EML5: variants seen among roughly 807,000 people sequenced by gnomAD.
The protein encoded by EML5 is echinoderm microtubule-associated protein-like 5.
A neutral mutation model predicts 250.0 loss-of-function variants in EML5; 120 were observed. The ratio of observed to expected loss-of-function variants is 0.48; its 90% CI spans 0.41 to 0.56. EML5 has a LOEUF of 0.56. Ranked by LOEUF, EML5 falls within the 20% of genes least tolerant of loss-of-function variation. EML5 has a pLI of 0.00. For missense variants in EML5, 2,006 were observed against 2,437.6 expected, an observed-to-expected ratio of 0.82 and a Z score of 3.73; for synonymous variants, 771 against 806.5, an observed-to-expected ratio of 0.96 and a Z score of 0.75.
intron 18 of EML5, among the ~76,000 whole-genome samples, chr14:88,687,572 T>A (rs2092861405): frequency 6.6e-6 from 1 of 152,152 alleles, no homozygotes; most frequent in African/African-American, 2.4e-5. Context: ...GTTTCTAAAA[T>A]CTGTAACTAT....
chr14:88,678,053 G>A (rs555112570), intron 21 of EML5, among the ~76,000 whole-genome samples: 1 of 152,196 alleles, frequency 6.6e-6, no homozygotes, highest in African/African-American at 2.4e-5. Context: ...AATGCCCATC[G>A]ATATTAGACT....
In EML5 at chr14:88,658,209, G is replaced by A. The variant is rs751303329; in HGVS notation, c.3855C>T (p.Asp1285=). 3.1e-6 allele frequency: 5 copies of A among 1,613,560 alleles called. No individual in the cohort carries two copies. The highest frequency in any genetic ancestry group is 2.7e-5 in the African/African-American group (2 of 74,898). ...TACCCCCATCTTCTTCAGAATCAATGTCGGATTCTTCACTATCACAAGGCC... is the reference window on the plus strand; with the variant it reads ...TACCCCCATCTTCTTCAGAATCAATATCGGATTCTTCACTATCACAAGGCC... ...EKRPCDSEES[D]IDSEEDGGYD... The change falls in exon 26 of 44, where the codon GAC becomes GAT. Residue 1285 remains aspartate, a synonymous_variant. Coordinates refer to ENST00000554922, the MANE Select transcript of EML5 (RefSeq NM_183387.3).
intron 1 of EML5, among the ~76,000 whole-genome samples, chr14:88,768,152 T>C (rs2094344191): frequency 6.6e-6 from 1 of 152,212 alleles, no homozygotes. Context: ...AAAATTACAT[T>C]TGTCCTTCTT....
chr14:88,643,384 AC>A (rs1294364058), intron 30 of EML5, among the ~76,000 whole-genome samples: 1 of 152,200 alleles, frequency 6.6e-6, no homozygotes, highest in Admixed American at 6.5e-5. Context: ...GGGGAAAAAA[AC>A]AATAAAAAAT....
In EML5 at chr14:88,704,927, T is replaced by G. The variant is rs895224630; in HGVS notation, c.1984A>C (p.Lys662Gln). The G allele has an allele frequency of 2.5e-6, 4 of 1,613,264 alleles. No homozygotes were observed. The Admixed American group carries it at 6.7e-5, about 27-fold the overall frequency. The change falls in exon 13 of 44, where the codon AAA becomes CAA. Residue 662 changes from lysine to glutamine, a missense_variant. Lys to Gln is a moderately conservative substitution (Grantham distance 53). Transcript: ENST00000554922. ...TCTCTTCTTTTAGAAGTAGCACTTT[T>G]TTGTTTCTCTTTGCACTGTTCTTTA... ...QLKEQCKEKQ[K>Q]SATSKRRERA... is the part of the protein sequence containing the mutation.
At chr14:88,742,367 G>A (rs2093937252) in intron 4 of EML5, among the ~76,000 whole-genome samples, 1 of 151,908 alleles carries the variant, frequency 6.6e-6, no homozygotes, top group Non-Finnish European at 1.5e-5. Context: ...TAACTAATTT[G>A]TGTTTAAATA....
chr14:88,628,966 T>G (rs2090243672), intron 33 of EML5, among the ~76,000 whole-genome samples: 1 of 152,010 alleles, frequency 6.6e-6, no homozygotes, highest in Admixed American at 6.6e-5. Context: ...TTTGTAAAAT[T>G]TATGACAATA....
chr14:88,684,595 C>T (rs529504587), intron 20 of EML5, among the ~76,000 whole-genome samples: 1 of 151,656 alleles, frequency 6.6e-6, no homozygotes, highest in South Asian at 2.1e-4. Context: ...AAATAATTGC[C>T]TTAGGCTCAA....
At chr14:88,648,652 C>T (rs951331965) in intron 28 of EML5, among the ~76,000 whole-genome samples, 3 of 152,052 alleles carry the variant, frequency 2.0e-5, no homozygotes, top group African/African-American at 4.8e-5. Context: ...CCACTGCACC[C>T]GGTCAATTAA....
At chr14:88,616,377 G>A in intron 42 of EML5, 135 bp from the exon 43 acceptor site, 1 of 849,740 alleles carries the variant, frequency 1.2e-6, no homozygotes. Context: ...TGATTAGAAT[G>A]CTTTTCAGCA....
At chr14:88,627,932 CTG>C (rs1374980824) in intron 33 of EML5, 113 bp from the exon 34 acceptor site, 7 of 1,009,252 alleles carry the variant, frequency 6.9e-6, no homozygotes, top group Non-Finnish European at 1.0e-5. Context: ...CAAACAAAAA[CTG>C]TACTTAACAA....
intron 3 of EML5, 105 bp from the exon 4 acceptor site, chr14:88,744,196 T>C (rs2093970171): frequency 1.0e-5 from 6 of 583,882 alleles, no homozygotes; most frequent in Non-Finnish European, 8.4e-6. Context: ...AAAATAATAT[T>C]CCTCAATAAA....
chr14:88,665,052 T>C (rs1595436657), intron 22 of EML5, among the ~76,000 whole-genome samples: 1 of 152,248 alleles, frequency 6.6e-6, no homozygotes, highest in African/African-American at 2.4e-5. Flanking sequence ...ATTAAGAATA[T>C]AACGAAAACA....
In EML5 at chr14:88,717,571, C is replaced by T. The variant is rs1191783389; in HGVS notation, c.1188-2376G>A. Among the ~76,000 whole-genome samples, 8 of 151,966 alleles carry T rather than the reference C, an allele frequency of 5.3e-5. No homozygotes were observed. In the South Asian group the frequency reaches 6.2e-4, roughly 12 times the overall value. Reference sequence around the variant, plus strand: ...CAGAGAGAGACCATCCTGGCTAACACGGTGAAACCCCATCTCTACTAAAAA... The same window carrying T: ...CAGAGAGAGACCATCCTGGCTAACATGGTGAAACCCCATCTCTACTAAAAA... On this transcript the variant is annotated intron_variant, in intron 8 of 43. Transcript: ENST00000554922.
chr14:88,657,357 T>C lies in EML5; in HGVS notation c.4004+19A>G. The C allele has an allele frequency of 1.3e-6, 2 of 1,542,816 alleles. No individual in the cohort carries two copies. The highest frequency in any genetic ancestry group is 1.7e-6 in the Non-Finnish European group (2 of 1,144,146). ...TGACAATATCTTTTTCTTCATCTAA[T>C]ACTAAACTAAATTATTACCTTTCAT... On this transcript the variant is annotated intron_variant, in intron 27 of 43. Coordinates refer to ENST00000554922, the MANE Select transcript of EML5 (RefSeq NM_183387.3).
chr14:88,746,182 T>TA lies in EML5; in HGVS notation c.456+2dup. ...ATTAGAAATCTCAAAAGAGAATACT[T>TA]ACTCTATCTGTATGACCAGGAGCCA... is the stretch of plus-strand genomic sequence containing the variant. On this transcript the variant is annotated splice_region_variant and intron_variant, in intron 3 of 43. Coordinates refer to ENST00000554922, the MANE Select transcript of EML5 (RefSeq NM_183387.3). 1 of 1,608,538 alleles carries TA rather than the reference T, an allele frequency of 6.2e-7. No individual in the cohort carries two copies.
intron 8 of EML5, among the ~76,000 whole-genome samples, chr14:88,716,732 AACACACACAC>A (rs58701181): frequency 2.7e-5 from 4 of 148,186 alleles, no homozygotes; most frequent in African/African-American, 9.9e-5. Context: ...ACTGCTCACC[AACACACACAC>A]ACACACACAC....
intron 2 of EML5, among the ~76,000 whole-genome samples, chr14:88,750,333 G>C (rs1311416373): frequency 6.6e-6 from 1 of 152,076 alleles, no homozygotes; most frequent in African/African-American, 2.4e-5. Flanking sequence ...ACTATTTAAA[G>C]GAGTTAGAGT....
At chr14:88,687,473 TTG>T (rs1306941906) in intron 18 of EML5, 146 bp from the exon 19 acceptor site, 3 of 605,832 alleles carry the variant, frequency 5.0e-6, no homozygotes, top group Non-Finnish European at 8.4e-6. Context: ...TAAGAATCCA[TTG>T]TGTTTTTAAA....
Sources: gnomAD v4.1 joint callset for allele counts (sites outside exome capture counted in the v4.1 genomes callset) on GRCh38, gnomAD v4.1.1 for gene constraint, MANE v1.5 for transcripts, NCBI Gene and HGNC (gene_info 2026-07-23, HGNC 2026-07-21) for gene names.